Variants in NELL2 observed in about 807,000 individuals in gnomAD.
The protein encoded by NELL2 is protein kinase C-binding protein NELL2.
In NELL2, 41 loss-of-function variants were observed where a neutral mutation model predicts 109.6. The observed-to-expected ratio is 0.37, with a 90% CI of 0.29 to 0.49. NELL2 has a LOEUF of 0.49. NELL2 is among the 20% of genes least tolerant of loss of function. NELL2 has a pLI of 0.98. For missense variants in NELL2, 900 were observed against 1,008.3 expected, an observed-to-expected ratio of 0.89 and a Z score of 1.45; for synonymous variants, 355 against 344.7, an observed-to-expected ratio of 1.03 and a Z score of -0.33.
intron 12 of NELL2, among the ~76,000 whole-genome samples, chr12:44,667,475 T>C (rs977165523): frequency 1.3e-5 from 2 of 152,308 alleles, no homozygotes; most frequent in African/African-American, 4.8e-5. Flanking sequence ...TAAAAGTTCA[T>C]TTACAAAAAT....
intron 15 of NELL2, among the ~76,000 whole-genome samples, chr12:44,575,037 T>C (rs1008048570): frequency 1.3e-5 from 2 of 152,216 alleles, no homozygotes; most frequent in African/African-American, 4.8e-5. Flanking sequence ...GTATTTTACT[T>C]ACACATCTTG....
At position 44,703,770 on chromosome 12, in the gene NELL2, C is replaced by T. The variant is rs114802162; in HGVS notation, c.1274G>A (p.Arg425Gln). The T allele has an allele frequency of 4.3e-6, 7 of 1,613,446 alleles. No homozygotes were observed. In the African/African-American group the frequency reaches 6.7e-5, roughly 15 times the overall value. Reference sequence around the variant, plus strand: ...CTCTCGAAGAGCCCTAAAACCATCTCGACAGCTACAAACAGCCCTGTCATT... The same window carrying T: ...CTCTCGAAGAGCCCTAAAACCATCTTGACAGCTACAAACAGCCCTGTCATT... Reference protein sequence around the residue: ...NLNDRAVCSCRDGFRALREDN... With the variant: ...NLNDRAVCSCQDGFRALREDN... Residue 425 changes from arginine (R) to glutamine (Q), a missense_variant, in exon 12 of 20, where the codon CGA (arginine) becomes CAA (glutamine). Transcript: ENST00000429094.
intron 1 of NELL2, among the ~76,000 whole-genome samples, chr12:44,885,322 C>A (rs1258422039): frequency 2.0e-5 from 3 of 151,688 alleles, no homozygotes; most frequent in African/African-American, 7.3e-5. Context: ...AATAAAAGTT[C>A]TTCACATTGA....
At chr12:44,827,708 A>G (rs1241710467) in intron 2 of NELL2, among the ~76,000 whole-genome samples, 2 of 152,046 alleles carry the variant, frequency 1.3e-5, no homozygotes, top group African/African-American at 2.4e-5. Context: ...TTCATTATCT[A>G]TCTGTTGGTG....
At chr12:44,868,122 A>G (rs1945059915) in intron 2 of NELL2, among the ~76,000 whole-genome samples, 2 of 147,088 alleles carry the variant, frequency 1.4e-5, no homozygotes, top group South Asian at 4.3e-4. Context: ...TCCATCTCAA[A>G]AAAAAAAAAA....
intron 13 of NELL2, among the ~76,000 whole-genome samples, chr12:44,651,871 G>C (rs1462672607): frequency 6.6e-6 from 1 of 152,136 alleles, no homozygotes; most frequent in Non-Finnish European, 1.5e-5. Context: ...CAGTGACTAG[G>C]AGAGGGGAGA....
At position 44,508,313 on chromosome 12, in the gene NELL2, C is replaced by G. The variant is rs1468450297; in HGVS notation, c.*621G>C. The G allele has an allele frequency of 6.6e-6, 1 of 152,512 alleles. No homozygotes were observed. The highest frequency in any genetic ancestry group is 1.5e-5 in the Non-Finnish European group (1 of 68,010). The allele number at this position is 152,512 out of a possible 1,614,324, so 9.4% of individuals were successfully genotyped here. A position where few individuals can be genotyped will look rare whatever the true frequency, so the allele number is the denominator to read the frequency against. ...AGAGAAATATTTATTTAATTTTGCA[C>G]AAGAACGAGCTTATACTGAACAAAT... On this transcript the variant is annotated 3_prime_UTR_variant, in exon 20 of 20. Coordinates refer to ENST00000429094, the MANE Select transcript of NELL2 (RefSeq NM_001145108.2).
chr12:44,609,881 T>C (rs117566629), intron 14 of NELL2, among the ~76,000 whole-genome samples: 1,948 of 152,142 alleles, frequency 0.013, 20 homozygotes, highest in South Asian at 0.024. Context: ...AAGGACACGG[T>C]ATATTTGAGA....
At chr12:44,734,917 T>G (rs1002500691) in intron 9 of NELL2, among the ~76,000 whole-genome samples, 1 of 152,078 alleles carries the variant, frequency 6.6e-6, no homozygotes, top group African/African-American at 2.4e-5. Context: ...AGGATATTCT[T>G]ATTAAGCATA....
rs112179641 is a variant in NELL2, at chr12:44,849,393, T to C, written c.184+25832A>G. On this transcript the variant is annotated intron_variant, in intron 2 of 19. Coordinates refer to ENST00000429094, the MANE Select transcript of NELL2 (RefSeq NM_001145108.2). ...AACAACTAAATGGACAGTTCACAAA[T>C]AGAAAATATATAATGATCAGTGAAT... 7.5e-3 allele frequency among the ~76,000 whole-genome samples: 1,143 copies of C among 152,118 alleles called. 8 individuals are homozygous for C. The highest frequency in any genetic ancestry group is 0.01 in the Non-Finnish European group (685 of 67,978).
At chr12:44,784,780 AC>A (rs1416618621) in intron 3 of NELL2, among the ~76,000 whole-genome samples, 4 of 152,140 alleles carry the variant, frequency 2.6e-5, no homozygotes, top group African/African-American at 7.2e-5. Context: ...TGACAAAAAA[AC>A]ATATGATTAT....
At position 44,598,883 on chromosome 12, in the gene NELL2, A is replaced by ACT. The variant is rs71459071; in HGVS notation, c.1663+8284_1663+8285dup. Among the ~76,000 whole-genome samples, 209 of 144,016 alleles carry ACT rather than the reference A, an allele frequency of 1.5e-3. 1 individual carries two copies. Among genetic ancestry groups the ACT allele is most frequent in the East Asian group, 0.012 (57 of 4,944 alleles). The allele number at this position is 144,016 out of a possible 152,430, so 94.5% of individuals were successfully genotyped here. ...CACACACACACACACACACACACAC[A>ACT]CTCTCTCTCTCTCTCTCTCTCTCTC... On this transcript the variant is annotated intron_variant, in intron 15 of 19. Transcript: ENST00000429094.
At chr12:44,797,385 T>C (rs1319871594) in intron 3 of NELL2, among the ~76,000 whole-genome samples, 3 of 152,114 alleles carry the variant, frequency 2.0e-5, no homozygotes, top group Admixed American at 2.0e-4. Flanking sequence ...TTTAATGATC[T>C]GAAAATGCAC....
At chr12:44,724,190 C>A (rs963753447) in intron 9 of NELL2, among the ~76,000 whole-genome samples, 5 of 150,988 alleles carry the variant, frequency 3.3e-5, no homozygotes, top group African/African-American at 9.8e-5. Context: ...GAGCTAAACA[C>A]TGAATACATA....
intron 15 of NELL2, among the ~76,000 whole-genome samples, chr12:44,603,371 A>T (rs1441726833): frequency 6.6e-6 from 1 of 152,140 alleles, no homozygotes; most frequent in Admixed American, 6.6e-5. Flanking sequence ...TTTTAGAGTT[A>T]TGCTTTAAAT....
Position 44,771,346 on chromosome 12 carries a change from T to TTTA in NELL2, c.994+3400_994+3401insTAA, listed in dbSNP as rs200038651. ...GATTAATTATAACAGATGGTTTTTT[T>TTTA]AAAAAAAAAAAAGGAAAGCAGGCTG... On this transcript the variant is annotated intron_variant, in intron 9 of 19. Transcript: ENST00000429094. Among the ~76,000 whole-genome samples the TTTA allele has an allele frequency of 5.4e-3, 784 of 143,976 alleles. 6 individuals carry two copies. Among genetic ancestry groups the TTTA allele is most frequent in the African/African-American group, 0.019 (748 of 39,428 alleles). The allele number at this position is 143,976 out of a possible 152,430, so 94.5% of individuals were successfully genotyped here.
At chr12:44,875,124 C>T (rs373625346) in intron 2 of NELL2, 101 bp downstream of exon 2, 3 of 1,459,788 alleles carry the variant, frequency 2.1e-6, no homozygotes, top group Non-Finnish European at 2.8e-6. Context: ...AAAGTACTGT[C>T]ATCCATGAGG....
intron 13 of NELL2, among the ~76,000 whole-genome samples, chr12:44,637,772 A>G (rs938024155): frequency 2.6e-5 from 4 of 151,636 alleles, no homozygotes; most frequent in African/African-American, 9.7e-5. Context: ...AAGCCTGAAA[A>G]TTTCAGAAAG....
At chr12:44,587,345 C>T (rs1195442694) in intron 15 of NELL2, among the ~76,000 whole-genome samples, 1 of 142,386 alleles carries the variant, frequency 7.0e-6, no homozygotes, top group African/African-American at 2.6e-5. Context: ...ACATTTGTCC[C>T]TATTCAGAAT....
Sources: gnomAD v4.1 joint callset for allele counts (sites outside exome capture counted in the v4.1 genomes callset) on GRCh38, gnomAD v4.1.1 for gene constraint, MANE v1.5 for transcripts, NCBI Gene and HGNC (gene_info 2026-07-23, HGNC 2026-07-21) for gene names.